The following PML variants were observed in gnomAD, a reference collection of about 807,000 sequenced individuals.
PML encodes PML nuclear body scaffold.
Under a neutral mutation model 65.2 loss-of-function variants are expected in PML, and 28 were observed. That is an observed-to-expected ratio of 0.43 (90% CI 0.32 to 0.59). The LOEUF is 0.59. Among genes scored for constraint, PML ranks in the 20% least tolerant of loss-of-function variants. The pLI, the probability that PML is intolerant of heterozygous loss-of-function variation, is 0.08. For synonymous variants in PML, 500 were observed against 508.8 expected (o/e 0.98, Z 0.23); for missense variants, 1,021 against 1,203.4 (o/e 0.85, Z 2.24).
intron 2 of PML, among the ~76,000 whole-genome samples, chr15:74,009,059 G>A (rs1417407514): frequency 6.6e-6 from 1 of 152,166 alleles, no homozygotes; most frequent in Non-Finnish European, 1.5e-5. Context: ...ATGGAGGGGT[G>A]TGGAGACGGC....
Position 74,023,064 on chromosome 15 carries a change from G to T in PML, c.839G>T (p.Arg280Leu), listed in dbSNP as rs773369332. 1.2e-6 allele frequency: 2 copies of T among 1,602,772 alleles called. No homozygotes were observed. Among genetic ancestry groups the T allele is most frequent in the East Asian group, 2.2e-5 (1 of 44,796 alleles). The change falls in exon 3 of 9, where the codon CGC (arginine) becomes CTC (leucine). Residue 280 changes from arginine (R) to leucine (L), a missense_variant. Transcript: ENST00000268058. ...RARAETEELI[R>L]ERVRQVVAHV... is the part of the protein sequence containing the mutation. The stretch of plus-strand genomic sequence containing the variant: ...CGTGCCGAGACCGAGGAGCTGATCC[G>T]CGAGCGCGTGCGCCAGGTGGTAGCT...
In PML at chr15:74,035,800, G is replaced by A. The variant is rs743581; in HGVS notation, c.1710+1270G>A. 6.2e-7 allele frequency: 1 copy of A among 1,613,830 alleles called. No homozygotes were observed. The highest frequency in any genetic ancestry group is 8.5e-7 in the Non-Finnish European group (1 of 1,179,944). ...AGCAGAGCCCAGACTCTTGGAGCAGGTGTTCCCCCTGGGGACTCTGTCAGA... is the reference window on the plus strand; with the variant it reads ...AGCAGAGCCCAGACTCTTGGAGCAGATGTTCCCCCTGGGGACTCTGTCAGA... On this transcript the variant is annotated intron_variant, in intron 7 of 8. Transcript: ENST00000268058. This position sits in a 1 kb window ranked among gnomAD's most constrained non-coding sequence, Gnocchi z 4.1.
At chr15:74,005,259 G>T (rs915142413) in intron 2 of PML, among the ~76,000 whole-genome samples, 1 of 150,578 alleles carries the variant, frequency 6.6e-6, no homozygotes, top group African/African-American at 2.4e-5. Flanking sequence ...CACCATATTG[G>T]CCAGGCTGGT....
At chr15:74,033,528 T>G in intron 6 of PML, 114 bp downstream of exon 6, 2 of 1,094,024 alleles carry the variant, frequency 1.8e-6, no homozygotes, top group Non-Finnish European at 2.8e-6. Context: ...GAGTCCCTTA[T>G]TCCCACTGAA....
chr15:74,031,473 C>T (rs544469162), intron 4 of PML, among the ~76,000 whole-genome samples: 2 of 152,312 alleles, frequency 1.3e-5, no homozygotes, highest in East Asian at 1.9e-4. Flanking sequence ...ATTCAAGGCT[C>T]ATCCATGTTG....
chr15:74,039,835 A>G (rs898870356), intron 7 of PML, among the ~76,000 whole-genome samples: 2 of 152,160 alleles, frequency 1.3e-5, no homozygotes. Flanking sequence ...TTTTCATACC[A>G]GGGTGTAATA....
Position 74,042,805 on chromosome 15 carries a change from A to G in PML, c.1711-184A>G. 1.0e-6 allele frequency: 1 copy of G among 985,162 alleles called. No homozygotes were observed. Among genetic ancestry groups the G allele is most frequent in the Non-Finnish European group, 1.2e-6 (1 of 829,846 alleles). The allele number at this position is 985,162 out of a possible 1,614,324, so 61.0% of individuals were successfully genotyped here. ...TTCATACATGTAACCCTCACATGTGACACACCCAGTTCACACCCATTCATG... is the reference window on the plus strand; with the variant it reads ...TTCATACATGTAACCCTCACATGTGGCACACCCAGTTCACACCCATTCATG... On this transcript the variant is annotated intron_variant, in intron 7 of 8. Coordinates refer to ENST00000268058, the MANE Select transcript of PML (RefSeq NM_033238.3). This position sits in a 1 kb window ranked among gnomAD's most constrained non-coding sequence, Gnocchi z 5.3.
At chr15:74,036,246 C>A in intron 7 of PML, 1 of 1,508,478 alleles carries the variant, frequency 6.6e-7, no homozygotes, top group East Asian at 2.4e-5. Flanking sequence ...TTCTGAGTCC[C>A]TGGCCAATAG....
intron 7 of PML, chr15:74,036,432 C>T (rs184344714): frequency 1.6e-5 from 20 of 1,282,970 alleles, no homozygotes; most frequent in East Asian, 3.5e-5. Context: ...TCGCGTTCTC[C>T]GATGGATCCA....
intron 2 of PML, among the ~76,000 whole-genome samples, chr15:74,007,988 T>A (rs944714725): frequency 6.6e-6 from 1 of 152,200 alleles, no homozygotes; most frequent in Non-Finnish European, 1.5e-5. Flanking sequence ...ACATGTCGTA[T>A]CTGGCACAGG....
intron 2 of PML, among the ~76,000 whole-genome samples, chr15:74,021,596 T>C (rs577566837): frequency 1.5e-4 from 23 of 150,560 alleles, no homozygotes; most frequent in African/African-American, 5.4e-4. Context: ...AAAAAAAAAA[T>C]AACCAAATAA....
Position 74,022,850 on chromosome 15 carries a change from A to T in PML, c.625A>T (p.Lys209Ter). Reference sequence around the variant, plus strand: ...CAGCATCTACTGCCGAGGATGTTCCAAGCCGCTGTGCTGCTCGTGCGCGCT... The same window carrying T: ...CAGCATCTACTGCCGAGGATGTTCCTAGCCGCTGTGCTGCTCGTGCGCGCT... The part of the protein sequence containing the change: ...LTSIYCRGCS[K>*]PLCCSCALLD... Residue 209 changes from lysine to a stop codon, truncating the protein, a stop_gained, in exon 3 of 9, where the codon AAG becomes TAG. Transcript: ENST00000268058. LOFTEE classifies it high-confidence loss of function. The T allele has an allele frequency of 6.2e-7, 1 of 1,613,964 alleles. No individual in the cohort carries two copies. The highest frequency in any genetic ancestry group is 8.5e-7 in the Non-Finnish European group (1 of 1,180,004).
Position 74,044,935 on chromosome 15 carries a change from T to G in PML, c.2576T>G (p.Leu859Arg). The G allele has an allele frequency of 1.2e-6, 2 of 1,613,088 alleles. No homozygotes were observed. The highest frequency in any genetic ancestry group is 1.7e-6 in the Non-Finnish European group (2 of 1,179,922). The change falls in exon 9 of 9, where the codon CTG (leucine) becomes CGG (arginine). Residue 859 changes from leucine to arginine, a missense_variant. Coordinates refer to ENST00000268058, the MANE Select transcript of PML (RefSeq NM_033238.3). ...GAAGGCCTGTTGGAGGGTCCGGCGC[T>G]GGCACGGGCAGAAGGAGTCTCCACC... ...YFEGLLEGPALARAEGVSTPL... is the reference protein window; with the variant it reads ...YFEGLLEGPARARAEGVSTPL...
intron 4 of PML, among the ~76,000 whole-genome samples, chr15:74,028,968 C>G (rs1205836274): frequency 6.6e-6 from 1 of 152,184 alleles, no homozygotes; most frequent in Non-Finnish European, 1.5e-5. Context: ...CACGGGTGTA[C>G]AGATATCTCC....
Position 74,045,256 on chromosome 15 carries a change from G to C in PML, c.*248G>C, listed in dbSNP as rs1403256967. 3.9e-6 allele frequency: 2 copies of C among 517,868 alleles called. No homozygotes were observed. The highest frequency in any genetic ancestry group is 6.9e-6 in the Non-Finnish European group (2 of 291,894). 32.1% of individuals were successfully genotyped at this position (517,868 alleles called of 1,614,324 possible). A position where few individuals can be genotyped will look rare whatever the true frequency, so the allele number is the denominator to read the frequency against. On this transcript the variant is annotated 3_prime_UTR_variant, in exon 9 of 9. Coordinates refer to ENST00000268058, the MANE Select transcript of PML (RefSeq NM_033238.3). ...CTCCTATTAGCCCCTCCTTCCAGGA[G>C]CTAGAACCAGGGAGGTCCTGAGTGA... is the stretch of plus-strand genomic sequence containing the variant.
chr15:74,005,443 T>A (rs1475403522), intron 2 of PML, among the ~76,000 whole-genome samples: 1 of 135,632 alleles, frequency 7.4e-6, no homozygotes, highest in East Asian at 2.1e-4. Context: ...TTTTCCCCAT[T>A]AATTCTGTTG....
At chr15:74,012,190 T>C (rs2070365488) in intron 2 of PML, among the ~76,000 whole-genome samples, 1 of 152,226 alleles carries the variant, frequency 6.6e-6, no homozygotes, top group Non-Finnish European at 1.5e-5. Flanking sequence ...CCATTTTGTT[T>C]TTTGAAACAG....
chr15:74,035,909 C>A lies in PML; in HGVS notation c.1710+1379C>A. On this transcript the variant is annotated intron_variant, in intron 7 of 8. Coordinates refer to ENST00000268058, the MANE Select transcript of PML (RefSeq NM_033238.3). This position sits in a 1 kb window ranked among gnomAD's most constrained non-coding sequence, Gnocchi z 4.1. ...CACCACCCTGTGCCCCAGAAAGGCCCCCCATCAGCCCAGTCCCAGGCGCCC... is the reference window on the plus strand; with the variant it reads ...CACCACCCTGTGCCCCAGAAAGGCCACCCATCAGCCCAGTCCCAGGCGCCC... 1 of 1,613,884 alleles carries A rather than the reference C, an allele frequency of 6.2e-7. No homozygotes were observed. The highest frequency in any genetic ancestry group is 8.5e-7 in the Non-Finnish European group (1 of 1,180,018).
chr15:74,022,728 T>A (rs2070894611), intron 2 of PML, 100 bp from the exon 3 acceptor site: 2 of 971,978 alleles, frequency 2.1e-6, no homozygotes, highest in East Asian at 5.1e-5. Flanking sequence ...CATGCCATGA[T>A]TCAAAGTCTG....
Sources: allele counts gnomAD v4.1 joint callset (sites outside exome capture counted in the v4.1 genomes callset), GRCh38; gene constraint gnomAD v4.1.1; non-coding constraint Gnocchi (gnomAD v3.1); transcripts MANE v1.5; gene names NCBI Gene and HGNC (gene_info 2026-07-23, HGNC 2026-07-21).